The following ERCC8 variants were observed in gnomAD, a reference collection of about 807,000 sequenced individuals.
ERCC8 encodes DNA excision repair protein ERCC-8.
ERCC8 carries 52 observed loss-of-function variants against 54.9 expected under a neutral mutation model. The ratio of observed to expected loss-of-function variants is 0.95; its 90% CI spans 0.76 to 1.19. The LOEUF (loss-of-function observed/expected upper bound fraction) is 1.19. Ranked by LOEUF, ERCC8 falls within the 50% of genes most tolerant of loss-of-function variation. ERCC8 has a pLI of 0.00. For synonymous variants in ERCC8, 146 were observed against 157.2 expected (o/e 0.93, Z 0.53); for missense variants, 514 against 466.1 (o/e 1.10, Z -0.95).
intron 1 of ERCC8, among the ~76,000 whole-genome samples, chr5:60,944,620 T>C (rs1246699370): frequency 6.6e-6 from 1 of 152,096 alleles, no homozygotes; most frequent in East Asian, 1.9e-4. Context: ...AGTTATTCTT[T>C]GGAGTAACTT....
chr5:60,892,235 T>C, intron 9 of ERCC8: 2 of 544,690 alleles, frequency 3.7e-6, no homozygotes, highest in Admixed American at 1.9e-5. Context: ...TCCAATCTTA[T>C]ATACAGTAGC....
rs1350003482 is a variant in ERCC8 at position 60,898,339 on chromosome 5, G to A, written c.780C>T (p.Leu260=). The A allele has an allele frequency of 6.2e-7, 1 of 1,613,516 alleles. No individual in the cohort carries two copies. The change falls in exon 9 of 12, where the codon CTC becomes CTT. Residue 260 remains leucine (L), a synonymous_variant. Transcript: ENST00000676185. ...GLCFTSDGLH[L]LTVGTDNRMR... is the part of the protein sequence containing the mutation. ...TTCGATTATCTGTACCAACAGTGAG[G>A]AGGTGAAGTCCATCACTTGTAAAAC...
At chr5:60,922,207 C>T (rs1409620738) in intron 2 of ERCC8, 52 bp from the exon 3 acceptor site, 2 of 1,227,364 alleles carry the variant, frequency 1.6e-6, no homozygotes, top group African/African-American at 1.5e-5. Flanking sequence ...TTATTTAGTC[C>T]ATTTATTTAT....
intron 1 of ERCC8, among the ~76,000 whole-genome samples, chr5:60,929,223 G>A (rs1009478946): frequency 5.9e-5 from 9 of 152,072 alleles, no homozygotes; most frequent in Admixed American, 3.9e-4. Context: ...ATGTAGCTGA[G>A]GACATCTAAT....
chr5:60,909,005 T>C (rs1749165172), intron 4 of ERCC8, among the ~76,000 whole-genome samples: 3 of 152,026 alleles, frequency 2.0e-5, no homozygotes, highest in South Asian at 4.1e-4. Flanking sequence ...AGTCATTATA[T>C]GACAATGTGA....
chr5:60,899,894 CA>C (rs1052812327), intron 7 of ERCC8, among the ~76,000 whole-genome samples, 167 bp from the exon 8 acceptor site: 1 of 151,344 alleles, frequency 6.6e-6, no homozygotes, highest in African/African-American at 2.4e-5. Context: ...ATTCAATAGT[CA>C]ACAGTAGCTC....
chr5:60,891,230 G>A (rs1748539899), intron 9 of ERCC8, 144 bp from the exon 10 acceptor site: 2 of 628,564 alleles, frequency 3.2e-6, no homozygotes. Flanking sequence ...ACAGAACAAG[G>A]GCCAATGACA....
At chr5:60,914,131 A>G (rs1246029861) in intron 4 of ERCC8, among the ~76,000 whole-genome samples, 1 of 152,100 alleles carries the variant, frequency 6.6e-6, no homozygotes, top group African/African-American at 2.4e-5. Context: ...GCTGACTTCA[A>G]GTCCTGGATA....
intron 1 of ERCC8, among the ~76,000 whole-genome samples, chr5:60,938,065 ATATATATATATATATATATATTTTAT>A (rs1469659961): frequency 4.1e-4 from 11 of 27,026 alleles, no homozygotes; most frequent in South Asian, 3.4e-3. Flanking sequence ...ATATATATAT[ATATATATATATATATATATATTTTAT>A]TTTTTTTTTT....
intron 1 of ERCC8, among the ~76,000 whole-genome samples, chr5:60,934,910 T>TC (rs1197252430): frequency 6.6e-6 from 1 of 152,234 alleles, no homozygotes; most frequent in Non-Finnish European, 1.5e-5. Context: ...TCCACTCTGT[T>TC]CCGTTGGTCT....
At chr5:60,923,354 A>G (rs912489127) in intron 2 of ERCC8, among the ~76,000 whole-genome samples, 1 of 152,098 alleles carries the variant, frequency 6.6e-6, no homozygotes, top group Non-Finnish European at 1.5e-5. Context: ...TTTCTTAACC[A>G]TATTTGTCTC....
intron 9 of ERCC8, among the ~76,000 whole-genome samples, chr5:60,893,894 C>T (rs1748644831): frequency 6.6e-6 from 1 of 151,916 alleles, no homozygotes; most frequent in African/African-American, 2.4e-5. Context: ...CACTATCCAT[C>T]TCTAGAACTC....
intron 11 of ERCC8, among the ~76,000 whole-genome samples, chr5:60,878,488 A>G (rs180689364): frequency 8.9e-4 from 136 of 152,274 alleles, no homozygotes; most frequent in African/African-American, 3.1e-3. Context: ...TCGGCTGTCA[A>G]TCCATCTGGT....
chr5:60,870,522 C>T lies in ERCC8; in HGVS notation c.*4093G>A, dbSNP rs1017728576. On this transcript the variant is annotated 3_prime_UTR_variant, in exon 12 of 12. Transcript: ENST00000676185. ...AAAAAAAAAAAAAAAATTAGCCAGG[C>T]GTGGTGGTGGGCACCTGTAATCCCA... 7.4e-5 allele frequency among the ~76,000 whole-genome samples: 10 copies of T among 135,122 alleles called. No individual in the cohort carries two copies. The highest frequency in any genetic ancestry group is 2.0e-4 in the African/African-American group (7 of 35,462). The allele number at this position is 135,122 out of a possible 152,430, so 88.6% of individuals were successfully genotyped here. A position where few individuals can be genotyped will look rare whatever the true frequency, so the allele number is the denominator to read the frequency against.
At chr5:60,884,935 C>T (rs1748351589) in intron 11 of ERCC8, among the ~76,000 whole-genome samples, 2 of 152,038 alleles carry the variant, frequency 1.3e-5, no homozygotes, top group African/African-American at 2.4e-5. Flanking sequence ...TTCTCATATA[C>T]AAAAGTTTGT....
chr5:60,938,048 CAT>C (rs1170248858), intron 1 of ERCC8, among the ~76,000 whole-genome samples: 1,741 of 23,062 alleles, frequency 0.075, 8 homozygotes, highest in Non-Finnish European at 0.076. Context: ...TACATACATA[CAT>C]ATATATATAT....
At chr5:60,891,229 G>A (rs1418623704) in intron 9 of ERCC8, 143 bp from the exon 10 acceptor site, 2 of 631,442 alleles carry the variant, frequency 3.2e-6, no homozygotes, top group African/African-American at 3.7e-5. Context: ...GACAGAACAA[G>A]GGCCAATGAC....
intron 6 of ERCC8, chr5:60,903,320 C>T: frequency 4.7e-6 from 1 of 211,964 alleles, no homozygotes. Flanking sequence ...ACTCATTAGC[C>T]AGAATATTAA....
chr5:60,885,014 C>A (rs1334768223), intron 11 of ERCC8, among the ~76,000 whole-genome samples: 2 of 147,838 alleles, frequency 1.4e-5, no homozygotes, highest in Non-Finnish European at 3.0e-5. Context: ...CACATATTAT[C>A]TTTTTTTTTT....
Sources: allele counts gnomAD v4.1 joint callset (sites outside exome capture counted in the v4.1 genomes callset), GRCh38; gene constraint gnomAD v4.1.1; transcripts MANE v1.5; gene names NCBI Gene and HGNC (gene_info 2026-07-23, HGNC 2026-07-21).